Variants in TBC1D2B observed in about 807,000 individuals in gnomAD.
TBC1D2B encodes the protein TBC1 domain family member 2B, also known as TBC1 domain family, member 2B.
A neutral mutation model predicts 100.8 loss-of-function variants in TBC1D2B; 64 were observed. That is an observed-to-expected ratio of 0.64 (90% CI 0.52 to 0.78). The LOEUF is 0.78. Ranked by LOEUF, TBC1D2B falls within the 30% of genes least tolerant of loss-of-function variation. The pLI is 0.00. For synonymous variants in TBC1D2B, 480 were observed against 479.7 expected, an observed-to-expected ratio of 1.00 and a Z score of -0.01; for missense variants, 1,052 against 1,218.4, an observed-to-expected ratio of 0.86 and a Z score of 2.03.
chr15:78,050,086 A>G (rs1427128960), intron 2 of TBC1D2B, among the ~76,000 whole-genome samples: 1 of 152,174 alleles, frequency 6.6e-6, no homozygotes, highest in African/African-American at 2.4e-5. Context: ...GGCACTGCCA[A>G]CGCGGGGCCT....
At chr15:78,047,483 T>C (rs1257847737) in intron 2 of TBC1D2B, among the ~76,000 whole-genome samples, 1 of 152,088 alleles carries the variant, frequency 6.6e-6, no homozygotes, top group Non-Finnish European at 1.5e-5. Flanking sequence ...CTGTGAGTCT[T>C]AGGGTTCCAG....
chr15:78,044,278 T>C (rs1383606182), intron 3 of TBC1D2B, among the ~76,000 whole-genome samples: 2 of 152,162 alleles, frequency 1.3e-5, no homozygotes, highest in African/African-American at 4.8e-5. Context: ...AGTGTGTGAA[T>C]TGTATATCAA....
At position 78,003,960 on chromosome 15, in the gene TBC1D2B, C is replaced by T. The variant is rs189007617; in HGVS notation, c.2389-470G>A. On this transcript the variant is annotated intron_variant, in intron 10 of 12. Transcript: ENST00000300584. ...ACAAACATTTGCTGGGCTGCATGTG[C>T]AGTGGGGGTGGCGAGGACTCCGGCG... Among the ~76,000 whole-genome samples the T allele has an allele frequency of 1.3e-3, 193 of 152,298 alleles. 1 individual carries two copies. The highest frequency in any genetic ancestry group is 5.4e-4 in the Non-Finnish European group (37 of 68,028).
In TBC1D2B at chr15:78,044,936, T is replaced by G; in HGVS notation, c.647A>C (p.Asn216Thr). ...GCCCCACTGTTTCAAAGAGTAAAAA[T>G]TAATGGAATTTGGATGCCCTGGGGC... The part of the protein sequence containing the change: ...QPAPGHPNSI[N>T]FYSLKQWGNE... Residue 216 changes from asparagine to threonine, a missense_variant, in exon 3 of 13, where the codon AAT (asparagine) becomes ACT (threonine). By Grantham distance (65) the Asn-to-Thr change is moderately conservative. This residue lies in a region of TBC1D2B where 627 missense variants were observed against 646.1 expected (regional missense o/e 0.97). Coordinates refer to ENST00000300584, the MANE Select transcript of TBC1D2B (RefSeq NM_144572.2). 4 of 1,613,398 alleles carry G rather than the reference T, an allele frequency of 2.5e-6. No individual in the cohort carries two copies. In the South Asian group the frequency reaches 4.4e-5, roughly 18 times the overall value.
intron 11 of TBC1D2B, chr15:78,003,055 CA>C: frequency 2.7e-6 from 1 of 375,648 alleles, no homozygotes; most frequent in South Asian, 4.0e-5. Flanking sequence ...GGCTCAGGCT[CA>C]AACTGTAAGC....
chr15:78,029,708 G>A (rs2072760666), intron 4 of TBC1D2B, among the ~76,000 whole-genome samples: 2 of 152,152 alleles, frequency 1.3e-5, no homozygotes, highest in Admixed American at 6.5e-5. Context: ...TCTCTTTTGT[G>A]TACATTTCAA....
chr15:78,077,678 C>A lies in TBC1D2B; in HGVS notation c.-26G>T, dbSNP rs1424979986. The A allele has an allele frequency of 3.0e-6, 3 of 986,720 alleles. No homozygotes were observed. Among genetic ancestry groups the A allele is most frequent in the East Asian group, 1.1e-4 (1 of 8,848 alleles). The allele number at this position is 986,720 out of a possible 1,614,324, so 61.1% of individuals were successfully genotyped here. ...CGCTACCGCGCGCCAACCGTAGGCG[C>A]CCGCGCCCTGCGCCTCCGCGCCGCG... On this transcript the variant is annotated 5_prime_UTR_variant, in exon 1 of 13. Coordinates refer to ENST00000300584, the MANE Select transcript of TBC1D2B (RefSeq NM_144572.2).
intron 3 of TBC1D2B, among the ~76,000 whole-genome samples, chr15:78,044,065 G>T (rs2073145672): frequency 3.3e-5 from 5 of 150,360 alleles, no homozygotes; most frequent in Admixed American, 3.3e-4. Flanking sequence ...AATTCATAGA[G>T]ATAGAAAGTT....
At chr15:78,019,632 A>C (rs1280876324) in intron 6 of TBC1D2B, among the ~76,000 whole-genome samples, 1 of 151,762 alleles carries the variant, frequency 6.6e-6, no homozygotes, top group Non-Finnish European at 1.5e-5. Context: ...TCATGCCTGT[A>C]ATCCCAGCAC....
At chr15:78,055,975 A>T (rs1304729955) in intron 1 of TBC1D2B, among the ~76,000 whole-genome samples, 3 of 152,248 alleles carry the variant, frequency 2.0e-5, no homozygotes. Context: ...AGCAAAGGAC[A>T]AGGTACTCAA....
intron 3 of TBC1D2B, among the ~76,000 whole-genome samples, chr15:78,043,861 A>AAAAT (rs1255696407): frequency 6.6e-6 from 1 of 152,034 alleles, no homozygotes; most frequent in Non-Finnish European, 1.5e-5. Context: ...CTGTCTCTAC[A>AAAAT]AAATAAATAA....
intron 2 of TBC1D2B, among the ~76,000 whole-genome samples, chr15:78,046,642 T>C (rs1236171196): frequency 6.6e-6 from 1 of 152,138 alleles, no homozygotes; most frequent in Non-Finnish European, 1.5e-5. Context: ...TTTTGTATTT[T>C]TTTTTTCTTT....
intron 2 of TBC1D2B, among the ~76,000 whole-genome samples, chr15:78,047,910 AC>A (rs2141782121): frequency 6.6e-6 from 1 of 152,350 alleles, no homozygotes; most frequent in African/African-American, 2.4e-5. Context: ...GGCTGGTCTT[AC>A]AATCATCATC....
intron 12 of TBC1D2B, among the ~76,000 whole-genome samples, chr15:78,000,756 G>A (rs548294793): frequency 6.6e-6 from 1 of 152,248 alleles, no homozygotes; most frequent in Non-Finnish European, 1.5e-5. Context: ...GCCCAGAACA[G>A]GCAATGACTG....
At chr15:78,030,308 C>CTTTTTT (rs899437723) in intron 3 of TBC1D2B, 138 bp from the exon 4 acceptor site, 1 of 535,068 alleles carries the variant, frequency 1.9e-6, no homozygotes, top group African/African-American at 2.1e-5. Flanking sequence ...TGGGGATTCC[C>CTTTTTT]TTTTTTTTTT....
chr15:78,043,761 T>C (rs2073137242), intron 3 of TBC1D2B, among the ~76,000 whole-genome samples: 1 of 152,196 alleles, frequency 6.6e-6, no homozygotes, highest in East Asian at 1.9e-4. Flanking sequence ...CCAGGGGCAG[T>C]GGCTCATGTA....
chr15:78,070,546 C>T (rs2073727906), intron 1 of TBC1D2B, among the ~76,000 whole-genome samples: 1 of 152,252 alleles, frequency 6.6e-6, no homozygotes, highest in Admixed American at 6.5e-5. Flanking sequence ...GAGTGGGAAG[C>T]TCCTGAGGCC....
At position 77,995,167 on chromosome 15, in the gene TBC1D2B, C is replaced by T. The variant is rs1235071646; in HGVS notation, c.*2993G>A. On this transcript the variant is annotated 3_prime_UTR_variant, in exon 13 of 13. Coordinates refer to ENST00000300584, the MANE Select transcript of TBC1D2B (RefSeq NM_144572.2). ...CACACAGTGGGTCTCTGTATGGCCT[C>T]CCACCTGCAAGGACTTCCCCGGGCA... 1 of 152,150 alleles carries T rather than the reference C, an allele frequency of 6.6e-6. No individual in the cohort carries two copies. Among genetic ancestry groups the T allele is most frequent in the Admixed American group, 6.5e-5 (1 of 15,284 alleles). The allele number at this position is 152,150 out of a possible 1,614,324, so 9.4% of individuals were successfully genotyped here.
chr15:78,048,869 C>A (rs1445710081), intron 2 of TBC1D2B, among the ~76,000 whole-genome samples: 1 of 152,224 alleles, frequency 6.6e-6, no homozygotes, highest in Non-Finnish European at 1.5e-5. Context: ...CTCTGCAGAG[C>A]ACAGAACTGT....
Sources: gnomAD v4.1 joint callset for allele counts (sites outside exome capture counted in the v4.1 genomes callset) on GRCh38, gnomAD v4.1.1 for gene constraint, gnomAD v4.1.1 regional missense constraint, MANE v1.5 for transcripts, NCBI Gene and HGNC (gene_info 2026-07-23, HGNC 2026-07-21) for gene names.